Variants in SLC6A11 observed in about 807,000 individuals in gnomAD.
The protein encoded by SLC6A11 is sodium- and chloride-dependent GABA transporter 3.
SLC6A11 carries 25 observed loss-of-function variants against 74.8 expected under a neutral mutation model. The ratio of observed to expected loss-of-function variants is 0.33; its 90% CI spans 0.24 to 0.47. SLC6A11 has a LOEUF of 0.47. SLC6A11 is among the 20% of genes least tolerant of loss of function. The pLI is 1.00. For missense variants in SLC6A11, 574 were observed against 837.0 expected (o/e 0.69, Z 3.88); for synonymous variants, 330 against 330.2 (o/e 1.00, Z 0.01).
Position 10,933,238 on chromosome 3 carries a change from A to G in SLC6A11, c.1459A>G (p.Ile487Val). The part of the protein sequence containing the change: ...LFVAIFECIC[I>V]GWVYGSNRFY... ...CGTGGCCATCTTTGAGTGCATCTGCATCGGCTGGGTGTATGGTGAGTAGCA... is the reference window on the plus strand; with the variant it reads ...CGTGGCCATCTTTGAGTGCATCTGCGTCGGCTGGGTGTATGGTGAGTAGCA... The change falls in exon 11 of 14, where the codon ATC (isoleucine) becomes GTC (valine). Residue 487 changes from isoleucine (I) to valine (V), a missense_variant. Coordinates refer to ENST00000254488, the MANE Select transcript of SLC6A11 (RefSeq NM_014229.3). 2 of 1,613,626 alleles carry G rather than the reference A, an allele frequency of 1.2e-6. No homozygotes were observed. The highest frequency in any genetic ancestry group is 3.3e-5 in the Admixed American group (2 of 60,020).
intron 4 of SLC6A11, among the ~76,000 whole-genome samples, chr3:10,830,601 G>T (rs948876775): frequency 6.6e-6 from 1 of 152,152 alleles, no homozygotes; most frequent in African/African-American, 2.4e-5. Context: ...AGTGTTCAAG[G>T]GTCAGGGAGG....
intron 5 of SLC6A11, among the ~76,000 whole-genome samples, chr3:10,846,921 T>C (rs1251904318): frequency 6.6e-6 from 1 of 152,140 alleles, no homozygotes; most frequent in African/African-American, 2.4e-5. Flanking sequence ...ATGTAGAACA[T>C]TGTGTTGTTT....
At chr3:10,924,459 A>G (rs1032241019) in intron 8 of SLC6A11, among the ~76,000 whole-genome samples, 1 of 152,212 alleles carries the variant, frequency 6.6e-6, no homozygotes, top group African/African-American at 2.4e-5. Context: ...GACAAAATAG[A>G]TAAAATATAT....
chr3:10,873,561 T>C (rs1575684310), intron 5 of SLC6A11, among the ~76,000 whole-genome samples: 1 of 149,972 alleles, frequency 6.7e-6, no homozygotes, highest in East Asian at 2.0e-4. Context: ...TACCCTACCC[T>C]ACCCTACCCT....
At chr3:10,842,435 A>G (rs1317180393) in intron 4 of SLC6A11, among the ~76,000 whole-genome samples, 1 of 152,208 alleles carries the variant, frequency 6.6e-6, no homozygotes, top group Non-Finnish European at 1.5e-5. Flanking sequence ...GCAGGTGCCC[A>G]GGGATCATGC....
Position 10,858,847 on chromosome 3 carries a change from C to G in SLC6A11, c.756+14501C>G, listed in dbSNP as rs982625635. On this transcript the variant is annotated intron_variant, in intron 5 of 13. Coordinates refer to ENST00000254488, the MANE Select transcript of SLC6A11 (RefSeq NM_014229.3). ...CTGGTAAGTCAAGGAGACATAAAGG[C>G]AAATATCTAAGACTTGGTCCTGTGC... Among the ~76,000 whole-genome samples, 4 of 152,280 alleles carry G rather than the reference C, an allele frequency of 2.6e-5. No homozygotes were observed. The East Asian group carries it at 7.7e-4, about 29-fold the overall frequency.
At position 10,875,021 on chromosome 3, in the gene SLC6A11, G is replaced by A. The variant is rs61739720; in HGVS notation, c.817G>A (p.Val273Ile). 894 of 1,613,752 alleles carry A rather than the reference G, an allele frequency of 5.5e-4. 5 individuals are homozygous for A. In the African/African-American group the frequency reaches 0.011, roughly 20 times the overall value. Reference protein sequence around the residue: ...IMLLILLIRGVTLPGASEGIK... With the variant: ...IMLLILLIRGITLPGASEGIK... Reference sequence around the variant, plus strand: ...GCTGCTGATCCTCCTGATACGAGGGGTCACGTTGCCCGGGGCCTCAGAGGG... The same window carrying A: ...GCTGCTGATCCTCCTGATACGAGGGATCACGTTGCCCGGGGCCTCAGAGGG... The change falls in exon 6 of 14, where the codon GTC becomes ATC. Residue 273 changes from valine (V) to isoleucine (I), a missense_variant. Val to Ile is a conservative substitution (Grantham distance 29, BLOSUM62 3). Coordinates refer to ENST00000254488, the MANE Select transcript of SLC6A11 (RefSeq NM_014229.3).
intron 6 of SLC6A11, among the ~76,000 whole-genome samples, chr3:10,911,239 C>G (rs544778457): frequency 1.2e-4 from 18 of 152,340 alleles, no homozygotes; most frequent in African/African-American, 4.3e-4. Flanking sequence ...GCCCTGTTCT[C>G]CAGATGGCAT....
chr3:10,937,114 A>T (rs1475606912), intron 13 of SLC6A11, among the ~76,000 whole-genome samples: 1 of 152,132 alleles, frequency 6.6e-6, no homozygotes, highest in Non-Finnish European at 1.5e-5. Flanking sequence ...CGCTCTGAGG[A>T]TGCATCCTAC....
intron 4 of SLC6A11, among the ~76,000 whole-genome samples, chr3:10,841,048 C>T (rs1575672170): frequency 6.6e-6 from 1 of 152,170 alleles, no homozygotes; most frequent in Admixed American, 6.5e-5. Flanking sequence ...TCCAGAAATA[C>T]TCTACTATGG....
intron 6 of SLC6A11, among the ~76,000 whole-genome samples, chr3:10,905,922 T>A (rs1201566627): frequency 6.6e-6 from 1 of 152,216 alleles, no homozygotes; most frequent in African/African-American, 2.4e-5. Context: ...AAATTTTAGA[T>A]CTGGAGTCAG....
chr3:10,838,723 TG>T (rs1262798317), intron 4 of SLC6A11, among the ~76,000 whole-genome samples: 2 of 152,218 alleles, frequency 1.3e-5, no homozygotes, highest in Non-Finnish European at 2.9e-5. Flanking sequence ...CACCCCAGCC[TG>T]GGCTATAGAG....
In SLC6A11 at chr3:10,926,170, G is replaced by A; in HGVS notation, c.1233+54G>A. On this transcript the variant is annotated intron_variant, in intron 9 of 13. Coordinates refer to ENST00000254488, the MANE Select transcript of SLC6A11 (RefSeq NM_014229.3). This position sits in a 1 kb window ranked among gnomAD's most constrained non-coding sequence, Gnocchi z 5.7. ...GGAGGGAGGGGAGCCTGGGCCAGGA[G>A]GCCAGACGCCACCCTTAGGAGTGGC... is the stretch of plus-strand genomic sequence containing the variant. The A allele has an allele frequency of 8.2e-7, 1 of 1,215,732 alleles. No individual in the cohort carries two copies. Among genetic ancestry groups the A allele is most frequent in the South Asian group, 1.3e-5 (1 of 78,254 alleles). The allele number at this position is 1,215,732 out of a possible 1,614,324, so 75.3% of individuals were successfully genotyped here.
Position 10,816,324 on chromosome 3 carries a change from A to G in SLC6A11, c.59A>G (p.Glu20Gly). The G allele has an allele frequency of 7.1e-7, 1 of 1,411,982 alleles. No individual in the cohort carries two copies. Among genetic ancestry groups the G allele is most frequent in the Non-Finnish European group, 9.2e-7 (1 of 1,086,270 alleles). 87.5% of individuals were successfully genotyped at this position (1,411,982 alleles called of 1,614,324 possible). A position where few individuals can be genotyped will look rare whatever the true frequency, so the allele number is the denominator to read the frequency against. Residue 20 changes from glutamate (E) to glycine (G), a missense_variant, in exon 1 of 14, where the codon GAG becomes GGG. By Grantham distance (98) the Glu-to-Gly change is moderately conservative (BLOSUM62 -2). Coordinates refer to ENST00000254488, the MANE Select transcript of SLC6A11 (RefSeq NM_014229.3). The surrounding 1 kb of genome is among the most constrained non-coding windows in gnomAD (Gnocchi z 4.2). ...GNGKAAEEAR[E>G]SEAPGGGCSS... ...GGGAAGGCTGCTGAGGAGGCGCGGG[A>G]GTCCGAGGCGCCGGGTGGCGGCTGC...
At chr3:10,839,400 C>T (rs1694408900) in intron 4 of SLC6A11, among the ~76,000 whole-genome samples, 1 of 152,210 alleles carries the variant, frequency 6.6e-6, no homozygotes, top group Admixed American at 6.5e-5. Context: ...CCAAGTCCTG[C>T]AGGCATTGCC....
intron 9 of SLC6A11, 146 bp from the exon 10 acceptor site, chr3:10,929,056 A>T: frequency 2.5e-6 from 2 of 796,926 alleles, no homozygotes; most frequent in South Asian, 3.5e-5. Context: ...TGCTGGGATG[A>T]CTGTTATCCT....
chr3:10,927,007 A>C (rs1011297331), intron 9 of SLC6A11, among the ~76,000 whole-genome samples: 3 of 152,122 alleles, frequency 2.0e-5, no homozygotes, highest in Admixed American at 6.5e-5. Context: ...TCAGACCCCC[A>C]GGGAGACACA....
chr3:10,877,672 T>C (rs1011226104), intron 6 of SLC6A11, among the ~76,000 whole-genome samples: 8 of 152,154 alleles, frequency 5.3e-5, no homozygotes, highest in African/African-American at 1.9e-4. Flanking sequence ...TGGGATTCAG[T>C]GTTCCAGGCA....
intron 6 of SLC6A11, among the ~76,000 whole-genome samples, chr3:10,892,278 T>C (rs1695115812): frequency 6.6e-6 from 1 of 152,278 alleles, no homozygotes; most frequent in Non-Finnish European, 1.5e-5. Flanking sequence ...TGCTGAGTCC[T>C]GCATAATGTT....
Sources: gnomAD v4.1 joint callset for allele counts (sites outside exome capture counted in the v4.1 genomes callset) on GRCh38, gnomAD v4.1.1 for gene constraint, Gnocchi (gnomAD v3.1) non-coding constraint, MANE v1.5 for transcripts, NCBI Gene and HGNC (gene_info 2026-07-23, HGNC 2026-07-21) for gene names.